Variants in LOXHD1 observed in about 807,000 individuals in gnomAD.
LOXHD1 encodes the protein lipoxygenase homology PLAT domains 1.
In LOXHD1, 205 loss-of-function variants were observed where a neutral mutation model predicts 248.2. That is an observed-to-expected ratio of 0.83 (90% CI 0.74 to 0.93). The LOEUF is 0.93. Ranked by LOEUF, LOXHD1 falls within the 40% of genes least tolerant of loss-of-function variation. The pLI, the probability that LOXHD1 is intolerant of heterozygous loss-of-function variation, is 0.00. For synonymous variants in LOXHD1, 1,113 were observed against 1,162.8 expected, an observed-to-expected ratio of 0.96 and a Z score of 0.87; for missense variants, 2,930 against 2,971.6, an observed-to-expected ratio of 0.99 and a Z score of 0.33.
chr18:46,541,734 G>A, intron 25 of LOXHD1, 42 bp downstream of exon 25: 1 of 1,549,724 alleles, frequency 6.5e-7, no homozygotes, highest in East Asian at 2.4e-5. Flanking sequence ...GCTGGTGATG[G>A]GGCCCCAGAG....
At chr18:46,484,964 G>C (rs1199750771) in intron 39 of LOXHD1, 55 bp downstream of exon 39, 1 of 1,535,434 alleles carries the variant, frequency 6.5e-7, no homozygotes, top group African/African-American at 1.4e-5. Flanking sequence ...AGATTCTCGG[G>C]GTCCTCCCTT....
chr18:46,640,787 G>C (rs2038953091), intron 3 of LOXHD1, among the ~76,000 whole-genome samples: 1 of 152,140 alleles, frequency 6.6e-6, no homozygotes, highest in Non-Finnish European at 1.5e-5. Context: ...TTCAAAATCT[G>C]TCCCTAAAAT....
At chr18:46,615,978 T>C (rs759175493) in intron 5 of LOXHD1, among the ~76,000 whole-genome samples, 1 of 152,238 alleles carries the variant, frequency 6.6e-6, no homozygotes, top group Non-Finnish European at 1.5e-5. Flanking sequence ...TAAAGTTTCA[T>C]TTGACAGATA....
intron 3 of LOXHD1, among the ~76,000 whole-genome samples, chr18:46,640,177 G>T (rs1040907680): frequency 6.6e-6 from 1 of 152,062 alleles, no homozygotes; most frequent in African/African-American, 2.4e-5. Flanking sequence ...GCTCAAGCAC[G>T]GATACACACA....
intron 4 of LOXHD1, among the ~76,000 whole-genome samples, chr18:46,635,020 T>G (rs998746422): frequency 2.0e-5 from 3 of 152,030 alleles, no homozygotes; most frequent in African/African-American, 7.2e-5. Flanking sequence ...CCTTCCTCTG[T>G]GCTAATGGTC....
chr18:46,560,242 C>T lies in LOXHD1; in HGVS notation c.2902G>A (p.Glu968Lys). The T allele has an allele frequency of 1.3e-6, 2 of 1,552,010 alleles. No homozygotes were observed. Among genetic ancestry groups the T allele is most frequent in the Non-Finnish European group, 1.7e-6 (2 of 1,147,084 alleles). The change falls in exon 19 of 41, where the codon GAG (glutamate) becomes AAG (lysine). Residue 968 changes from glutamate (E) to lysine (K), a missense_variant. Physicochemically the swap from Glu to Lys is moderately conservative, Grantham distance 56. Transcript: ENST00000642948. ...TCTTCCTCCTCTTCTTCCATCTCCT[C>T]CTCCTCTGACGAGGACTCCTCTGAT... ...SSSEESSSEE[E>K]EMEEEEEEEE... is the part of the protein sequence containing the mutation.
intron 25 of LOXHD1, among the ~76,000 whole-genome samples, chr18:46,539,598 A>C (rs1158035441): frequency 6.6e-6 from 1 of 152,260 alleles, no homozygotes; most frequent in Non-Finnish European, 1.5e-5. Context: ...ACTATAGGTT[A>C]GTTCATTAGC....
At chr18:46,501,998 T>C (rs1012275402) in intron 37 of LOXHD1, among the ~76,000 whole-genome samples, 1 of 152,200 alleles carries the variant, frequency 6.6e-6, no homozygotes, top group African/African-American at 2.4e-5. Context: ...CCCTGTTACA[T>C]ACAGTGGCTT....
At chr18:46,533,132 T>C in intron 28 of LOXHD1, 30 bp downstream of exon 28, 1 of 1,550,550 alleles carries the variant, frequency 6.4e-7, no homozygotes, top group Non-Finnish European at 8.7e-7. Context: ...AGCCTTCCCA[T>C]GGTGATGAGG....
chr18:46,511,143 C>CA (rs796605556), intron 34 of LOXHD1, among the ~76,000 whole-genome samples: 62 of 152,314 alleles, frequency 4.1e-4, no homozygotes, highest in African/African-American at 1.4e-3. Flanking sequence ...TGGAAGACTG[C>CA]AAGGAGATTA....
At chr18:46,486,884 G>T (rs78006454) in intron 38 of LOXHD1, among the ~76,000 whole-genome samples, 1 of 152,336 alleles carries the variant, frequency 6.6e-6, no homozygotes, top group Non-Finnish European at 1.5e-5. Context: ...CATGTTGCTA[G>T]TCACATCTGT....
At chr18:46,590,421 T>C (rs1568204975) in intron 12 of LOXHD1, among the ~76,000 whole-genome samples, 1 of 152,098 alleles carries the variant, frequency 6.6e-6, no homozygotes, top group Non-Finnish European at 1.5e-5. Context: ...GAATCTAAAA[T>C]CGTGAGAGTT....
chr18:46,627,670 GA>G (rs2038762063), intron 4 of LOXHD1, among the ~76,000 whole-genome samples: 1 of 152,158 alleles, frequency 6.6e-6, no homozygotes, highest in Admixed American at 6.5e-5. Flanking sequence ...AGGCCACAGT[GA>G]AAATATGAGG....
chr18:46,481,026 G>T (rs139081947), intron 40 of LOXHD1, among the ~76,000 whole-genome samples: 16 of 152,292 alleles, frequency 1.1e-4, no homozygotes, highest in Non-Finnish European at 1.8e-4. Flanking sequence ...GCAAAAGAGG[G>T]ATCAGAATGG....
At chr18:46,611,003 GA>G in intron 5 of LOXHD1, 79 bp from the exon 6 acceptor site, 1 of 1,499,560 alleles carries the variant, frequency 6.7e-7, no homozygotes, top group Non-Finnish European at 8.9e-7. Context: ...TCCGCCCACT[GA>G]AAGATGCTCT....
chr18:46,485,006 C>A lies in LOXHD1; in HGVS notation c.6182+13G>T. The A allele has an allele frequency of 6.5e-7, 1 of 1,550,236 alleles. No individual in the cohort carries two copies. Among genetic ancestry groups the A allele is most frequent in the Non-Finnish European group, 8.7e-7 (1 of 1,145,910 alleles). On this transcript the variant is annotated intron_variant, in intron 39 of 40. Coordinates refer to ENST00000642948, the MANE Select transcript of LOXHD1 (RefSeq NM_001384474.1). ...CCACCCCCCACCACTTCCCATGGGC[C>A]TCCCCTTCCTACTTCCTAAAGGCCC...
chr18:46,647,863 G>A (rs1450018183), intron 2 of LOXHD1, among the ~76,000 whole-genome samples: 1 of 152,162 alleles, frequency 6.6e-6, no homozygotes, highest in Non-Finnish European at 1.5e-5. Flanking sequence ...GGAGCCCCAG[G>A]ATGTCTTAAG....
At chr18:46,591,901 C>T in intron 12 of LOXHD1, 32 bp downstream of exon 12, 1 of 1,550,864 alleles carries the variant, frequency 6.4e-7, no homozygotes, top group Non-Finnish European at 8.7e-7. Context: ...AGTTCCACTG[C>T]CTCCCAGGAT....
intron 5 of LOXHD1, 104 bp downstream of exon 5, chr18:46,618,088 C>T: frequency 1.3e-6 from 1 of 786,694 alleles, no homozygotes; most frequent in Non-Finnish European, 2.1e-6. Flanking sequence ...ATAGAGGAGC[C>T]CAAAGTGGGG....
Sources: gnomAD v4.1 joint callset for allele counts (sites outside exome capture counted in the v4.1 genomes callset) on GRCh38, gnomAD v4.1.1 for gene constraint, MANE v1.5 for transcripts, NCBI Gene and HGNC (gene_info 2026-07-23, HGNC 2026-07-21) for gene names.